Variants in RPS6KC1 observed in about 807,000 individuals in gnomAD.
RPS6KC1 encodes ribosomal protein S6 kinase C1.
A neutral mutation model predicts 103.8 loss-of-function variants in RPS6KC1; 54 were observed. The ratio of observed to expected loss-of-function variants is 0.52; its 90% CI spans 0.42 to 0.65. The LOEUF is 0.65. Among genes scored for constraint, RPS6KC1 ranks in the 30% least tolerant of loss-of-function variants. The pLI is 0.00. For synonymous variants in RPS6KC1, 439 were observed against 438.7 expected (o/e 1.00, Z -0.01); for missense variants, 1,151 against 1,253.8 (o/e 0.92, Z 1.24).
At chr1:213,587,146 A>G in the RPS6KC1 span, among the ~76,000 whole-genome samples, 1 of 152,188 alleles carries the variant, frequency 6.6e-6, no homozygotes, top group Non-Finnish European at 1.5e-5. Flanking sequence ...GGACCTGCCC[A>G]GGGATTGACA....
intron 10 of RPS6KC1, among the ~76,000 whole-genome samples, chr1:213,235,639 C>T (rs985810146): frequency 2.6e-5 from 4 of 151,964 alleles, no homozygotes; most frequent in African/African-American, 7.3e-5. Context: ...GCTTGGTGTT[C>T]AAGAAACAGC....
the RPS6KC1 span, among the ~76,000 whole-genome samples, chr1:213,654,240 AGT>A: frequency 6.6e-6 from 1 of 152,222 alleles, no homozygotes; most frequent in Non-Finnish European, 1.5e-5. Flanking sequence ...AACCTGAGAA[AGT>A]TAAACCCACT....
the RPS6KC1 span, among the ~76,000 whole-genome samples, chr1:213,623,676 G>A: frequency 6.6e-6 from 1 of 152,236 alleles, no homozygotes; most frequent in East Asian, 1.9e-4. Flanking sequence ...TCATTATTAG[G>A]CATATTAGCT....
chr1:213,842,069 G>A, the RPS6KC1 span: 1 of 152,136 alleles, frequency 6.6e-6, no homozygotes, highest in African/African-American at 2.4e-5. Context: ...CCTCCTTTCT[G>A]TATCTAATTC....
chr1:213,262,831 C>T lies in RPS6KC1; in HGVS notation c.3090+15C>T, dbSNP rs1452839325. 2.0e-6 allele frequency: 3 copies of T among 1,472,924 alleles called. No individual in the cohort carries two copies. The highest frequency in any genetic ancestry group is 2.9e-6 in the Non-Finnish European group (3 of 1,050,986). The allele number at this position is 1,472,924 out of a possible 1,614,324, so 91.2% of individuals were successfully genotyped here. A position where few individuals can be genotyped will look rare whatever the true frequency, so the allele number is the denominator to read the frequency against. ...TCATTCAACAGGTAATTTAACTGAC[C>T]TATTGGCCAGGTTTATCAACCATGC... On this transcript the variant is annotated intron_variant, in intron 14 of 14. Transcript: ENST00000366960.
chr1:213,356,740 G>A, the RPS6KC1 span, among the ~76,000 whole-genome samples: 8 of 152,144 alleles, frequency 5.3e-5, no homozygotes, highest in Non-Finnish European at 8.8e-5. Context: ...TCACTACACC[G>A]GAAGCTGCTA....
chr1:213,491,845 CA>C, the RPS6KC1 span, among the ~76,000 whole-genome samples: 1 of 152,156 alleles, frequency 6.6e-6, no homozygotes, highest in Admixed American at 6.5e-5. Flanking sequence ...AGGGGCTGAA[CA>C]GGGGATTGAG....
At chr1:213,417,328 G>C in the RPS6KC1 span, among the ~76,000 whole-genome samples, 1 of 152,220 alleles carries the variant, frequency 6.6e-6, no homozygotes, top group South Asian at 2.1e-4. Flanking sequence ...AGAATGTGGA[G>C]GAACAAACAA....
chr1:213,573,812 AG>A, the RPS6KC1 span, among the ~76,000 whole-genome samples: 1 of 152,240 alleles, frequency 6.6e-6, no homozygotes, highest in African/African-American at 2.4e-5. Context: ...GATTGTATGA[AG>A]AACCTCAAAT....
the RPS6KC1 span, among the ~76,000 whole-genome samples, chr1:213,771,181 G>T: frequency 9.2e-5 from 14 of 152,054 alleles, no homozygotes. Context: ...CTTGCCCCAG[G>T]TTCCTGGGAT....
the RPS6KC1 span, among the ~76,000 whole-genome samples, chr1:213,336,742 G>A: frequency 6.6e-6 from 1 of 152,200 alleles, no homozygotes; most frequent in African/African-American, 2.4e-5. Flanking sequence ...CAAGGCAACT[G>A]AGTGGCAGAG....
At chr1:213,214,729 G>C (rs1000292913) in intron 8 of RPS6KC1, among the ~76,000 whole-genome samples, 2 of 152,180 alleles carry the variant, frequency 1.3e-5, no homozygotes, top group African/African-American at 2.4e-5. Flanking sequence ...AATATTCGCT[G>C]TTCTGCAGCC....
At chr1:213,676,931 G>A in the RPS6KC1 span, among the ~76,000 whole-genome samples, 1 of 152,192 alleles carries the variant, frequency 6.6e-6, no homozygotes, top group Non-Finnish European at 1.5e-5. Context: ...TCTGCTGAGG[G>A]AGACTTAGGA....
At chr1:213,635,390 C>T in the RPS6KC1 span, among the ~76,000 whole-genome samples, 42 of 152,094 alleles carry the variant, frequency 2.8e-4, no homozygotes, top group Admixed American at 9.2e-4. Flanking sequence ...ACTGGCAAAC[C>T]GAATCCTGCA....
chr1:213,438,771 G>C, the RPS6KC1 span, among the ~76,000 whole-genome samples: 1 of 146,040 alleles, frequency 6.8e-6, no homozygotes, highest in Non-Finnish European at 1.5e-5. Context: ...TGAGGCTCTT[G>C]TTTCTCTGGA....
At chr1:213,614,157 G>A in the RPS6KC1 span, among the ~76,000 whole-genome samples, 1 of 152,214 alleles carries the variant, frequency 6.6e-6, no homozygotes, top group Admixed American at 6.5e-5. Context: ...CTGCCTCCCA[G>A]AGAGGTGAAG....
chr1:213,697,180 C>T, the RPS6KC1 span, among the ~76,000 whole-genome samples: 36 of 152,366 alleles, frequency 2.4e-4, no homozygotes, highest in African/African-American at 6.7e-4. Context: ...GCACAGAACT[C>T]TCATGCCCTC....
At chr1:213,618,749 G>A in the RPS6KC1 span, among the ~76,000 whole-genome samples, 1 of 152,162 alleles carries the variant, frequency 6.6e-6, no homozygotes, top group Admixed American at 6.5e-5. Flanking sequence ...AGTTCTTCAA[G>A]GTTAAACCTT....
chr1:213,430,678 G>A, the RPS6KC1 span, among the ~76,000 whole-genome samples: 2 of 152,068 alleles, frequency 1.3e-5, no homozygotes, highest in Non-Finnish European at 2.9e-5. Context: ...AAGTAAAAAT[G>A]TTTGTATCTG....
Sources: gnomAD v4.1 joint callset for allele counts (sites outside exome capture counted in the v4.1 genomes callset) on GRCh38, gnomAD v4.1.1 for gene constraint, MANE v1.5 for transcripts, NCBI Gene and HGNC (gene_info 2026-07-23, HGNC 2026-07-21) for gene names.